Variants in C7 observed in about 807,000 individuals in gnomAD.
The protein encoded by C7 is complement C7.
Under a neutral mutation model 104.8 loss-of-function variants are expected in C7, and 83 were observed. The ratio of observed to expected loss-of-function variants is 0.79; its 90% confidence interval spans 0.66 to 0.95. C7 has a LOEUF of 0.95. Among genes scored for constraint, C7 ranks in the 40% least tolerant of loss-of-function variants. The pLI, the probability that C7 is intolerant of heterozygous loss-of-function variation, is 0.00. For synonymous variants in C7, 415 were observed against 360.6 expected, an observed-to-expected ratio of 1.15 and a Z score of -1.71; for missense variants, 1,070 against 1,011.2, an observed-to-expected ratio of 1.06 and a Z score of -0.79.
intron 1 of C7, among the ~76,000 whole-genome samples, chr5:40,918,029 C>T (rs536190160): frequency 3.5e-3 from 537 of 152,116 alleles, no homozygotes; most frequent in Non-Finnish European, 4.4e-3. Context: ...TCTCTGGAAG[C>T]CTCATAATAA....
intron 9 of C7, among the ~76,000 whole-genome samples, chr5:40,952,362 G>T (rs1214231307): frequency 6.6e-6 from 1 of 152,150 alleles, no homozygotes; most frequent in African/African-American, 2.4e-5. Context: ...GTCTTGACTT[G>T]CATTGGGCTG....
At chr5:40,912,300 T>C (rs1453164285) in intron 1 of C7, among the ~76,000 whole-genome samples, 2 of 152,214 alleles carry the variant, frequency 1.3e-5, no homozygotes, top group Non-Finnish European at 2.9e-5. Flanking sequence ...TGAGTATGTA[T>C]ATGAAGAAGG....
rs758872512 is a variant in C7, at chr5:40,936,460, C to G, written c.403C>G (p.Pro135Ala). ...TTCCTGTGATATCGATAAACCTCCTCCTAACATAGAACTTACTGGAAATGG... is the reference window on the plus strand; with the variant it reads ...TTCCTGTGATATCGATAAACCTCCTGCTAACATAGAACTTACTGGAAATGG... The part of the protein sequence containing the change: ...RPSCDIDKPP[P>A]NIELTGNGYN... Residue 135 changes from proline (P) to alanine (A), a missense_variant, in exon 5 of 18, where the codon CCT becomes GCT. Coordinates refer to ENST00000313164, the MANE Select transcript of C7 (RefSeq NM_000587.4). 18 of 1,613,182 alleles carry G rather than the reference C, an allele frequency of 1.1e-5. 1 individual carries two copies. In the South Asian group the frequency reaches 2.0e-4, roughly 18 times the overall value.
At chr5:40,968,117 T>C (rs895293115) in intron 14 of C7, among the ~76,000 whole-genome samples, 12 of 152,084 alleles carry the variant, frequency 7.9e-5, no homozygotes, top group African/African-American at 2.7e-4. Flanking sequence ...TGTTTCATTC[T>C]AAATATTTTC....
At chr5:40,943,964 T>G (rs1739996059) in intron 6 of C7, among the ~76,000 whole-genome samples, 2 of 152,232 alleles carry the variant, frequency 1.3e-5, no homozygotes, top group African/African-American at 4.8e-5. Context: ...CTTGCATGAT[T>G]GTGGTTAATA....
intron 15 of C7, among the ~76,000 whole-genome samples, chr5:40,974,387 GTT>G (rs34725318): frequency 7.2e-6 from 1 of 138,156 alleles, no homozygotes; most frequent in Admixed American, 7.3e-5. Context: ...TAATTCTATC[GTT>G]TTTTTTTTTT....
At position 40,981,492 on chromosome 5, in the gene C7, G is replaced by A; in HGVS notation, c.2451G>A (p.Glu817=). The A allele has an allele frequency of 6.2e-7, 1 of 1,613,892 alleles. No individual in the cohort carries two copies. Among genetic ancestry groups the A allele is most frequent in the Admixed American group, 1.7e-5 (1 of 60,026 alleles). Residue 817 remains glutamate (E), a synonymous_variant, in exon 18 of 18, where the codon GAG becomes GAA. Coordinates refer to ENST00000313164, the MANE Select transcript of C7 (RefSeq NM_000587.4). Reference sequence around the variant, plus strand: ...ACGGCAAGGAGCAGACGATGTCTGAGTGTGAGGCGGGCGCTCTGAGATGCA... The same window carrying A: ...ACGGCAAGGAGCAGACGATGTCTGAATGTGAGGCGGGCGCTCTGAGATGCA... ...EVNGKEQTMS[E]CEAGALRCRG...
At chr5:40,937,720 G>A in intron 6 of C7, 30 bp downstream of exon 6, 2 of 1,515,600 alleles carry the variant, frequency 1.3e-6, no homozygotes, top group Middle Eastern at 3.4e-4. Context: ...TTTCCAATCT[G>A]GAATTGTCAG....
chr5:40,919,683 C>CAAAT (rs1452193773), intron 1 of C7, among the ~76,000 whole-genome samples: 1 of 151,724 alleles, frequency 6.6e-6, no homozygotes, highest in African/African-American at 2.4e-5. Flanking sequence ...GAAAAATCCA[C>CAAAT]AAATATATGG....
intron 3 of C7, among the ~76,000 whole-genome samples, chr5:40,933,767 A>G (rs936677891): frequency 2.0e-5 from 3 of 152,146 alleles, no homozygotes; most frequent in African/African-American, 4.8e-5. Context: ...ACTCTGCTTC[A>G]TCTTAACCCC....
rs1740078682 is a variant in C7 at position 40,947,637 on chromosome 5, A to T, written c.774A>T (p.Glu258Asp). 6 of 1,613,480 alleles carry T rather than the reference A, an allele frequency of 3.7e-6. No individual in the cohort carries two copies. Among genetic ancestry groups the T allele is most frequent in the Non-Finnish European group, 5.1e-6 (6 of 1,179,664 alleles). Reference sequence around the variant, plus strand: ...TGCTGGTTGTTGAGAACACTGTTGAAGTGGCTCAGTTCATTAATAACAATC... The same window carrying T: ...TGCTGGTTGTTGAGAACACTGTTGATGTGGCTCAGTTCATTAATAACAATC... ...YQLLVVENTV[E>D]VAQFINNNPE... Residue 258 changes from glutamate to aspartate, a missense_variant, in exon 8 of 18, where the codon GAA becomes GAT. Physicochemically the swap from Glu to Asp is conservative, Grantham distance 45 (BLOSUM62 2). Coordinates refer to ENST00000313164, the MANE Select transcript of C7 (RefSeq NM_000587.4).
chr5:40,933,239 A>C (rs1195999462), intron 3 of C7, among the ~76,000 whole-genome samples: 2 of 152,154 alleles, frequency 1.3e-5, no homozygotes, highest in Non-Finnish European at 2.9e-5. Flanking sequence ...ATGCCAAGGA[A>C]TTCCCACTTC....
rs980830067 is a variant in C7 at position 40,962,977 on chromosome 5, T to G, written c.1749+805T>G. Among the ~76,000 whole-genome samples the G allele has an allele frequency of 3.9e-5, 6 of 152,200 alleles. No individual in the cohort carries two copies. The East Asian group carries it at 1.2e-3, about 29-fold the overall frequency. ...AGTTGTGTGTTCACGCAAGTGTGTG[T>G]GTGTGTTTGTGTAGAGAGAGAGAGA... is the stretch of plus-strand genomic sequence containing the variant. On this transcript the variant is annotated intron_variant, in intron 13 of 17. Coordinates refer to ENST00000313164, the MANE Select transcript of C7 (RefSeq NM_000587.4).
At chr5:40,909,864 G>C (rs1739170263) in intron 1 of C7, among the ~76,000 whole-genome samples, 1 of 152,044 alleles carries the variant, frequency 6.6e-6, no homozygotes, top group Non-Finnish European at 1.5e-5. Context: ...TATAGGTCCA[G>C]AGGTCTGGGA....
At position 40,984,541 on chromosome 5, in the gene C7, A is replaced by T. The variant is rs1741023349; in HGVS notation, c.*2968A>T. On this transcript the variant is annotated 3_prime_UTR_variant, in exon 18 of 18. Coordinates refer to ENST00000313164, the MANE Select transcript of C7 (RefSeq NM_000587.4). Reference sequence around the variant, plus strand: ...CCCTGAAACAGCCTAGTATGTGTCCATTTATGTGCCCGGCTTATTATGTGT... The same window carrying T: ...CCCTGAAACAGCCTAGTATGTGTCCTTTTATGTGCCCGGCTTATTATGTGT... 6.6e-6 allele frequency among the ~76,000 whole-genome samples: 1 copy of T among 152,172 alleles called. No individual in the cohort carries two copies. The highest frequency in any genetic ancestry group is 1.5e-5 in the Non-Finnish European group (1 of 68,032).
chr5:40,976,332 G>T (rs1237780866), intron 15 of C7, among the ~76,000 whole-genome samples: 1 of 152,190 alleles, frequency 6.6e-6, no homozygotes, highest in Non-Finnish European at 1.5e-5. Context: ...TTGAAAGGGA[G>T]CCACTTTATT....
chr5:40,921,796 G>T (rs1739443570), intron 1 of C7, among the ~76,000 whole-genome samples: 2 of 152,084 alleles, frequency 1.3e-5, no homozygotes, highest in South Asian at 4.1e-4. Context: ...CAGCACTTTG[G>T]AAGGCCGAGG....
At chr5:40,930,412 G>A (rs34888872) in intron 2 of C7, among the ~76,000 whole-genome samples, 27,310 of 151,350 alleles carry the variant, frequency 0.18, 2,669 homozygotes, top group East Asian at 0.32. Flanking sequence ...CACCATGATG[G>A]CCCTGTTGGT....
At chr5:40,975,170 C>A (rs1164108190) in intron 15 of C7, among the ~76,000 whole-genome samples, 1 of 152,122 alleles carries the variant, frequency 6.6e-6, no homozygotes, top group Non-Finnish European at 1.5e-5. Context: ...CTTCACCCAT[C>A]TTCCTTAATA....
Sources: gnomAD v4.1 joint callset for allele counts (sites outside exome capture counted in the v4.1 genomes callset) on GRCh38, gnomAD v4.1.1 for gene constraint, MANE v1.5 for transcripts, NCBI Gene and HGNC (gene_info 2026-07-23, HGNC 2026-07-21) for gene names.